Variants in MAP3K20 observed in about 807,000 individuals in gnomAD.
MAP3K20 encodes the protein HCCS-4.
A neutral mutation model predicts 85.7 loss-of-function variants in MAP3K20; 40 were observed. The observed-to-expected ratio is 0.47, with a 90% CI of 0.36 to 0.61. The LOEUF is 0.61. MAP3K20 is among the 20% of genes least tolerant of loss of function. MAP3K20 has a pLI of 0.00. For missense variants in MAP3K20, 817 were observed against 961.7 expected, an observed-to-expected ratio of 0.85 and a Z score of 1.99; for synonymous variants, 325 against 327.7, an observed-to-expected ratio of 0.99 and a Z score of 0.09.
chr2:173,200,201 T>C (rs1437860728), intron 8 of MAP3K20, among the ~76,000 whole-genome samples: 2 of 152,226 alleles, frequency 1.3e-5, no homozygotes, highest in Non-Finnish European at 2.9e-5. Flanking sequence ...GTCAAAAATA[T>C]GGAAATTAAG....
chr2:173,160,237 G>A (rs1689615528), intron 2 of MAP3K20: 1 of 152,094 alleles, frequency 6.6e-6, no homozygotes, highest in South Asian at 2.1e-4. Context: ...TGCTTTTTAT[G>A]TGACTGTGAC....
chr2:173,194,036 T>G (rs532372855), intron 7 of MAP3K20, among the ~76,000 whole-genome samples: 1 of 152,332 alleles, frequency 6.6e-6, no homozygotes, highest in African/African-American at 2.4e-5. Context: ...ATATCAATTC[T>G]GCATTCATGC....
intron 2 of MAP3K20, among the ~76,000 whole-genome samples, chr2:173,138,045 G>A (rs996666167): frequency 1.3e-5 from 2 of 152,100 alleles, no homozygotes; most frequent in Non-Finnish European, 2.9e-5. Context: ...TCGGCTCACT[G>A]CAACCTCCGC....
chr2:173,231,272 G>A (rs1170252098), intron 12 of MAP3K20, among the ~76,000 whole-genome samples: 2 of 152,150 alleles, frequency 1.3e-5, no homozygotes, highest in Non-Finnish European at 2.9e-5. Flanking sequence ...AAGTGCACCT[G>A]CTTTCAACAT....
intron 2 of MAP3K20, among the ~76,000 whole-genome samples, chr2:173,139,267 G>T (rs1688898124): frequency 6.6e-6 from 1 of 152,148 alleles, no homozygotes; most frequent in Non-Finnish European, 1.5e-5. Context: ...GACTTTAATT[G>T]ACCATATTTC....
Position 173,164,389 on chromosome 2 carries a change from CT to C in MAP3K20, c.160-5411del, listed in dbSNP as rs568785957. ...AGTGTCTATGCATGTTCTTTGCCTA[CT>C]TTTTAATGGGGTTGTTTTTTGCTTG... On this transcript the variant is annotated intron_variant, in intron 2 of 19. Coordinates refer to ENST00000375213, the MANE Select transcript of MAP3K20 (RefSeq NM_016653.3). Among the ~76,000 whole-genome samples the C allele has an allele frequency of 1.7e-3, 263 of 152,244 alleles. 2 individuals carry two copies. The highest frequency in any genetic ancestry group is 5.9e-3 in the African/African-American group (246 of 41,556).
intron 10 of MAP3K20, chr2:173,211,832 T>G (rs1683904832): frequency 6.6e-6 from 1 of 152,186 alleles, no homozygotes. Flanking sequence ...GAGAATGGCG[T>G]GAACCCGGGA....
At chr2:173,222,588 G>T in intron 11 of MAP3K20, 1 of 985,354 alleles carries the variant, frequency 1.0e-6, no homozygotes, top group Non-Finnish European at 1.2e-6. Context: ...TATGTGTGGT[G>T]GTTTGTTTTT....
At chr2:173,082,043 G>A (rs2044515) in intron 1 of MAP3K20, among the ~76,000 whole-genome samples, 2 of 151,670 alleles carry the variant, frequency 1.3e-5, no homozygotes, top group East Asian at 1.9e-4. Flanking sequence ...TGGAGACAGG[G>A]TCTCACTTTG....
chr2:173,242,356 A>G (rs1332681781), intron 16 of MAP3K20, among the ~76,000 whole-genome samples: 1 of 151,960 alleles, frequency 6.6e-6, no homozygotes, highest in Non-Finnish European at 1.5e-5. Context: ...TTTAGTAGAG[A>G]CAGGGTTTCT....
intron 2 of MAP3K20, among the ~76,000 whole-genome samples, chr2:173,157,038 A>G (rs1276446584): frequency 6.6e-6 from 1 of 152,198 alleles, no homozygotes; most frequent in African/African-American, 2.4e-5. Flanking sequence ...ACCCCTGTGC[A>G]GGTGAAAATA....
intron 11 of MAP3K20, among the ~76,000 whole-genome samples, chr2:173,219,326 A>G (rs1039482650): frequency 6.6e-6 from 1 of 152,236 alleles, no homozygotes; most frequent in Non-Finnish European, 1.5e-5. Flanking sequence ...TTTCTTTCCT[A>G]AAACTAAAAC....
At chr2:173,169,776 T>C (rs956932281) in intron 2 of MAP3K20, 29 bp from the exon 3 acceptor site, 6 of 1,594,280 alleles carry the variant, frequency 3.8e-6, no homozygotes, top group Non-Finnish European at 5.1e-6. Flanking sequence ...TGAAATGTTA[T>C]GCAACTTTGC....
At chr2:173,227,029 A>G in intron 11 of MAP3K20, 2 of 985,892 alleles carry the variant, frequency 2.0e-6, no homozygotes, top group Non-Finnish European at 2.4e-6. Context: ...TTCCAGCACA[A>G]AGTCCACAGT....
intron 16 of MAP3K20, among the ~76,000 whole-genome samples, chr2:173,242,699 C>CTTTTTTTTT (rs68173816): frequency 1.2e-5 from 1 of 80,976 alleles, no homozygotes; most frequent in African/African-American, 4.9e-5. Context: ...AGTAATCTTT[C>CTTTTTTTTT]TTTTTTTTTT....
chr2:173,077,207 A>G (rs983755883), intron 1 of MAP3K20, among the ~76,000 whole-genome samples: 12 of 152,136 alleles, frequency 7.9e-5, no homozygotes, highest in Non-Finnish European at 4.4e-5. Flanking sequence ...GCTGTTTTGG[A>G]AGAGCCTTCT....
At chr2:173,158,742 T>C (rs2106236510) in intron 2 of MAP3K20, among the ~76,000 whole-genome samples, 1 of 152,316 alleles carries the variant, frequency 6.6e-6, no homozygotes, top group South Asian at 2.1e-4. Context: ...CAACCTGGCA[T>C]TTGCTGGGCA....
intron 4 of MAP3K20, among the ~76,000 whole-genome samples, chr2:173,183,796 C>G (rs1690402066): frequency 6.6e-6 from 1 of 152,162 alleles, no homozygotes. Context: ...ACAAGCATCT[C>G]TTTACAAAGC....
intron 2 of MAP3K20, among the ~76,000 whole-genome samples, chr2:173,105,991 CTG>C (rs1362596286): frequency 2.0e-5 from 3 of 152,116 alleles, no homozygotes; most frequent in Non-Finnish European, 2.9e-5. Flanking sequence ...TAACAAAAGT[CTG>C]TGTAAGATCT....
Sources: gnomAD v4.1 joint callset for allele counts (sites outside exome capture counted in the v4.1 genomes callset) on GRCh38, gnomAD v4.1.1 for gene constraint, MANE v1.5 for transcripts, NCBI Gene and HGNC (gene_info 2026-07-23, HGNC 2026-07-21) for gene names.